Variants in GKAP1 observed in about 807,000 individuals in gnomAD.
GKAP1 encodes G kinase anchoring protein 1.
GKAP1 carries 31 observed loss-of-function variants against 56.7 expected under a neutral mutation model. The ratio of observed to expected loss-of-function variants is 0.55; its 90% CI spans 0.41 to 0.74. GKAP1 has a LOEUF of 0.74. GKAP1 is among the 30% of genes least tolerant of loss of function. GKAP1 has a pLI of 0.00. For synonymous variants in GKAP1, 151 were observed against 138.6 expected (o/e 1.09, Z -0.63); for missense variants, 364 against 402.3 (o/e 0.90, Z 0.82).
chr9:83,771,836 A>G (rs943080128), intron 7 of GKAP1, among the ~76,000 whole-genome samples: 7 of 152,238 alleles, frequency 4.6e-5, no homozygotes, highest in Non-Finnish European at 7.3e-5. Context: ...CTAGCAACTA[A>G]TCAGCCTCTG....
chr9:83,805,255 A>G (rs1944419478), intron 3 of GKAP1, among the ~76,000 whole-genome samples: 1 of 152,136 alleles, frequency 6.6e-6, no homozygotes, highest in African/African-American at 2.4e-5. Flanking sequence ...TGTTAAACAG[A>G]TGCTTGAAGG....
At chr9:83,779,524 CGTGTATATGTGTATATATAT>C (rs1943927613) in intron 7 of GKAP1, among the ~76,000 whole-genome samples, 1 of 120,314 alleles carries the variant, frequency 8.3e-6, no homozygotes. Flanking sequence ...TATATATACA[CGTGTATATGTGTATATATAT>C]ACACGTGTAT....
chr9:83,756,794 C>T (rs1220643253), intron 8 of GKAP1, among the ~76,000 whole-genome samples: 1 of 152,122 alleles, frequency 6.6e-6, no homozygotes, highest in Non-Finnish European at 1.5e-5. Flanking sequence ...ATATACATAG[C>T]AAACCTCAAA....
intron 8 of GKAP1, among the ~76,000 whole-genome samples, chr9:83,757,243 C>G (rs1943492841): frequency 6.6e-6 from 1 of 152,092 alleles, no homozygotes; most frequent in African/African-American, 2.4e-5. Flanking sequence ...AGCTGGGACC[C>G]ACTCAGCATT....
chr9:83,741,008 G>T (rs1943197612), intron 12 of GKAP1, among the ~76,000 whole-genome samples: 2 of 152,034 alleles, frequency 1.3e-5, no homozygotes, highest in Non-Finnish European at 2.9e-5. Context: ...GATGTGTAAT[G>T]ACATGTATTA....
At chr9:83,803,121 A>G (rs1437809530) in intron 3 of GKAP1, among the ~76,000 whole-genome samples, 1 of 152,148 alleles carries the variant, frequency 6.6e-6, no homozygotes, top group African/African-American at 2.4e-5. Flanking sequence ...AAAAAACAAA[A>G]ACAACTAGTC....
At chr9:83,747,609 GTAA>G (rs927870660) in intron 10 of GKAP1, among the ~76,000 whole-genome samples, 1 of 151,216 alleles carries the variant, frequency 6.6e-6, no homozygotes. Context: ...AGAGTGACCT[GTAA>G]TAATAACTTT....
intron 7 of GKAP1, among the ~76,000 whole-genome samples, chr9:83,777,168 T>C (rs1943878004): frequency 6.6e-6 from 1 of 152,216 alleles, no homozygotes; most frequent in Admixed American, 6.5e-5. Context: ...ACTGTTACAG[T>C]TTCTTGGGTA....
chr9:83,769,347 T>C (rs1191978590), intron 7 of GKAP1, among the ~76,000 whole-genome samples: 1 of 152,148 alleles, frequency 6.6e-6, no homozygotes, highest in African/African-American at 2.4e-5. Flanking sequence ...AACAATTCCA[T>C]CACCCCAAAA....
chr9:83,778,742 C>CTTTTTTTTTTTTTTTTTTTTTTTTTTTT (rs1554742144), intron 7 of GKAP1, among the ~76,000 whole-genome samples: 1 of 151,862 alleles, frequency 6.6e-6, no homozygotes, highest in Non-Finnish European at 1.5e-5. Context: ...ATTACATATT[C>CTTTTTTTTTTTTTTTTTTTTTTTTTTTT]TTATAACCAA....
chr9:83,787,961 C>T (rs1200033924), intron 5 of GKAP1, among the ~76,000 whole-genome samples: 1 of 152,194 alleles, frequency 6.6e-6, no homozygotes, highest in Non-Finnish European at 1.5e-5. Context: ...TTTAAATCCA[C>T]TTATTTTCTA....
At chr9:83,783,539 T>C (rs1004968915) in intron 6 of GKAP1, among the ~76,000 whole-genome samples, 9 of 152,250 alleles carry the variant, frequency 5.9e-5, no homozygotes, top group Admixed American at 4.6e-4. Context: ...GCAGTTTATC[T>C]TCAAAAGTTT....
At chr9:83,749,979 A>C (rs1056449690) in intron 9 of GKAP1, among the ~76,000 whole-genome samples, 3 of 152,158 alleles carry the variant, frequency 2.0e-5, no homozygotes, top group Admixed American at 2.0e-4. Context: ...AGAAATATTC[A>C]TTGTGAATAT....
intron 7 of GKAP1, among the ~76,000 whole-genome samples, chr9:83,776,029 G>C (rs2131278868): frequency 6.6e-6 from 1 of 152,048 alleles, no homozygotes; most frequent in South Asian, 2.1e-4. Flanking sequence ...CTGAAGTGAA[G>C]GAACAGATAG....
At chr9:83,746,362 AT>A (rs1943293964) in intron 10 of GKAP1, among the ~76,000 whole-genome samples, 1 of 152,206 alleles carries the variant, frequency 6.6e-6, no homozygotes. Flanking sequence ...AAAATGGTGT[AT>A]ATTTGCATAA....
At chr9:83,779,548 CGTGTATATGTGTATAT>C (rs1564201771) in intron 7 of GKAP1, among the ~76,000 whole-genome samples, 14 of 91,142 alleles carry the variant, frequency 1.5e-4, no homozygotes, top group Middle Eastern at 6.0e-3. Flanking sequence ...TATATATACA[CGTGTATATGTGTATAT>C]ATATACACAC....
At chr9:83,795,588 C>CTTTTTTTT (rs58291258) in intron 4 of GKAP1, among the ~76,000 whole-genome samples, 5 of 109,050 alleles carry the variant, frequency 4.6e-5, no homozygotes, top group Non-Finnish European at 8.8e-5. Flanking sequence ...CTGAGAGTGT[C>CTTTTTTTT]TTTTTTTTTT....
intron 3 of GKAP1, among the ~76,000 whole-genome samples, chr9:83,804,589 G>C (rs1224657826): frequency 4.4e-4 from 34 of 77,238 alleles, no homozygotes; most frequent in African/African-American, 6.3e-4. Flanking sequence ...GTCAGCCCCC[G>C]GCCCGGCCAG....
chr9:83,797,600 T>G (rs1287831966), intron 4 of GKAP1, among the ~76,000 whole-genome samples: 1 of 152,172 alleles, frequency 6.6e-6, no homozygotes, highest in Admixed American at 6.6e-5. Flanking sequence ...CCATCAGTAG[T>G]ATACTCAGCA....
Sources: allele counts gnomAD v4.1 joint callset (sites outside exome capture counted in the v4.1 genomes callset), GRCh38; gene constraint gnomAD v4.1.1; transcripts MANE v1.5; gene names NCBI Gene and HGNC (gene_info 2026-07-23, HGNC 2026-07-21).